TAS2R1: variants seen among roughly 807,000 people sequenced by gnomAD.
TAS2R1 encodes the protein taste 2 receptor member 1, also known as taste receptor type 2 member 1.
For missense variants in TAS2R1, 370 were observed against 353.4 expected (o/e 1.05, Z -0.38); for synonymous variants, 141 against 134.2 (o/e 1.05, Z -0.35).
chr5:9,771,215 AATCTTTGCCAG>A, the TAS2R1 span, among the ~76,000 whole-genome samples: 30 of 151,800 alleles, frequency 2.0e-4, no homozygotes, highest in Non-Finnish European at 2.8e-4. Context: ...AGTGTGAATC[AATCTTTGCCAG>A]ATCTTTGCCA....
chr5:9,665,288 ACAT>A (rs1235929281), intron 1 of TAS2R1, among the ~76,000 whole-genome samples: 1 of 152,208 alleles, frequency 6.6e-6, no homozygotes, highest in Admixed American at 6.5e-5. Flanking sequence ...TCCTGCGATA[ACAT>A]CGAGGCCATC....
At chr5:9,784,120 A>C in the TAS2R1 span, among the ~76,000 whole-genome samples, 9 of 152,250 alleles carry the variant, frequency 5.9e-5, no homozygotes, top group Non-Finnish European at 1.2e-4. Flanking sequence ...ATTGCATGCC[A>C]TGTAAGGGTT....
At chr5:9,844,094 T>A in the TAS2R1 span, among the ~76,000 whole-genome samples, 5 of 152,194 alleles carry the variant, frequency 3.3e-5, no homozygotes, top group Admixed American at 6.5e-5. Flanking sequence ...CATCTCATCA[T>A]CTTTGCGTAT....
the TAS2R1 span, among the ~76,000 whole-genome samples, chr5:9,804,786 A>G: frequency 6.6e-6 from 1 of 152,160 alleles, no homozygotes; most frequent in East Asian, 1.9e-4. Context: ...CCTAAATAAA[A>G]AGTCTGAAAA....
chr5:9,852,737 C>T, the TAS2R1 span, among the ~76,000 whole-genome samples: 1 of 152,164 alleles, frequency 6.6e-6, no homozygotes, highest in Non-Finnish European at 1.5e-5. Context: ...GGTTCATTCA[C>T]AGCACTGATA....
chr5:9,800,538 A>G, the TAS2R1 span, among the ~76,000 whole-genome samples: 1 of 152,118 alleles, frequency 6.6e-6, no homozygotes, highest in African/African-American at 2.4e-5. Flanking sequence ...TGGAAGATGA[A>G]TAAGAATTGG....
chr5:9,804,684 C>T, the TAS2R1 span, among the ~76,000 whole-genome samples: 2 of 152,036 alleles, frequency 1.3e-5, no homozygotes, highest in Non-Finnish European at 2.9e-5. Flanking sequence ...ATAAAAAATT[C>T]TTTGAACTGA....
the TAS2R1 span, among the ~76,000 whole-genome samples, chr5:9,726,017 A>G: frequency 2.0e-5 from 3 of 150,732 alleles, no homozygotes; most frequent in South Asian, 6.3e-4. Flanking sequence ...ACCAATCAGC[A>G]CCCTGTGTCT....
chr5:9,704,436 G>C (rs139773982), intron 1 of TAS2R1, among the ~76,000 whole-genome samples: 120 of 152,104 alleles, frequency 7.9e-4, no homozygotes, highest in African/African-American at 2.5e-3. Context: ...CAAGCTGGCT[G>C]CTCGTGAGCT....
At chr5:9,726,728 C>A in the TAS2R1 span, among the ~76,000 whole-genome samples, 26 of 152,180 alleles carry the variant, frequency 1.7e-4, no homozygotes. Flanking sequence ...TCAGTGAGAC[C>A]AAGAACCCAC....
At chr5:9,743,086 AG>A in the TAS2R1 span, among the ~76,000 whole-genome samples, 1 of 151,558 alleles carries the variant, frequency 6.6e-6, no homozygotes, top group Non-Finnish European at 1.5e-5. Flanking sequence ...AAAAAGCCTG[AG>A]CCTCTTTCTT....
At chr5:9,871,646 C>G in the TAS2R1 span, among the ~76,000 whole-genome samples, 1 of 152,178 alleles carries the variant, frequency 6.6e-6, no homozygotes, top group Admixed American at 6.5e-5. Context: ...ATTTTTCTCT[C>G]TTCATGCATA....
upstream of TAS2R1, chr5:9,713,333 T>C (rs911934820): frequency 1.3e-5 from 2 of 152,190 alleles, no homozygotes; most frequent in Admixed American, 6.5e-5. Flanking sequence ...TAAATCACCA[T>C]AGAATAGAAT....
chr5:9,836,161 G>T, the TAS2R1 span, among the ~76,000 whole-genome samples: 1 of 152,012 alleles, frequency 6.6e-6, no homozygotes, highest in African/African-American at 2.4e-5. Context: ...GCCACCATGT[G>T]AGACGTGCCT....
intron 1 of TAS2R1, among the ~76,000 whole-genome samples, chr5:9,672,091 TAGA>T (rs1051191932): frequency 6.6e-6 from 1 of 152,106 alleles, no homozygotes; most frequent in Non-Finnish European, 1.5e-5. Flanking sequence ...TAGCCATATG[TAGA>T]AGATTGATGC....
At chr5:9,891,101 A>G in the TAS2R1 span, among the ~76,000 whole-genome samples, 3 of 152,208 alleles carry the variant, frequency 2.0e-5, no homozygotes, top group African/African-American at 7.2e-5. Flanking sequence ...AGTCTACCTC[A>G]GAGTTTTGAT....
At chr5:9,716,904 C>T (rs194060), upstream of TAS2R1, among the ~76,000 whole-genome samples, 2 of 151,832 alleles carry the variant, frequency 1.3e-5, no homozygotes, top group South Asian at 4.2e-4. Context: ...ACGATCGATA[C>T]GGAAGACAGA....
the TAS2R1 span, among the ~76,000 whole-genome samples, chr5:9,859,334 A>G: frequency 6.6e-6 from 1 of 152,278 alleles, no homozygotes; most frequent in African/African-American, 2.4e-5. Context: ...GCAGAAAGAA[A>G]AAGCTGAAGG....
chr5:9,892,151 T>C, the TAS2R1 span, among the ~76,000 whole-genome samples: 1 of 152,208 alleles, frequency 6.6e-6, no homozygotes, highest in Admixed American at 6.5e-5. Flanking sequence ...GGGGGTTTTA[T>C]TTCTTTACTT....
Sources: allele counts gnomAD v4.1 joint callset (sites outside exome capture counted in the v4.1 genomes callset), GRCh38; gene constraint gnomAD v4.1.1; transcripts MANE v1.5; gene names NCBI Gene and HGNC (gene_info 2026-07-23, HGNC 2026-07-21).